Variants in RAPGEF2 observed in about 807,000 individuals in gnomAD.
RAPGEF2 encodes Rap guanine nucleotide exchange factor 2, also known as PDZ domain containing guanine nucleotide exchange factor (GEF) 1.
In RAPGEF2, 54 loss-of-function variants were observed where a neutral mutation model predicts 186.7. The ratio of observed to expected loss-of-function variants is 0.29; its 90% confidence interval spans 0.23 to 0.36. The LOEUF (loss-of-function observed/expected upper bound fraction) is 0.36, where lower values mean the gene tolerates loss of function less well. RAPGEF2 is among the 10% of genes least tolerant of loss of function. The pLI is 1.00. For synonymous variants in RAPGEF2, 712 were observed against 705.9 expected (o/e 1.01, Z -0.14); for missense variants, 1,532 against 2,045.0 (o/e 0.75, Z 4.84).
chr4:159,206,687 A>C (rs963688155), intron 3 of RAPGEF2, among the ~76,000 whole-genome samples: 4 of 152,224 alleles, frequency 2.6e-5, no homozygotes, highest in Non-Finnish European at 5.9e-5. Flanking sequence ...TGCCTGAGGC[A>C]TGATTGTAAG....
chr4:159,323,868 G>A (rs923023417), intron 11 of RAPGEF2, among the ~76,000 whole-genome samples: 1 of 149,682 alleles, frequency 6.7e-6, no homozygotes, highest in African/African-American at 2.5e-5. Context: ...ACAGGCAATC[G>A]CCACCACACC....
At chr4:159,234,858 C>T (rs1286186023) in intron 4 of RAPGEF2, among the ~76,000 whole-genome samples, 2 of 152,176 alleles carry the variant, frequency 1.3e-5, no homozygotes, top group Non-Finnish European at 2.9e-5. Context: ...CTCCTGAGTT[C>T]AAGCGATTCT....
chr4:159,237,842 TAAAAAAAAAAAAAAAAAAA>T (rs58593781), intron 4 of RAPGEF2, among the ~76,000 whole-genome samples: 2 of 66,930 alleles, frequency 3.0e-5, no homozygotes, highest in South Asian at 7.4e-4. Context: ...CTACAAAAAT[TAAAAAAAAAAAAAAAAAAA>T]AAAAAAAAAA....
chr4:159,231,222 G>T (rs1752601430), intron 4 of RAPGEF2, among the ~76,000 whole-genome samples: 2 of 152,032 alleles, frequency 1.3e-5, no homozygotes, highest in African/African-American at 4.8e-5. Context: ...ATCTAGCCTA[G>T]GTTTATAGTA....
chr4:159,132,298 G>A (rs1741199517), intron 1 of RAPGEF2, among the ~76,000 whole-genome samples: 1 of 152,212 alleles, frequency 6.6e-6, no homozygotes, highest in Non-Finnish European at 1.5e-5. Context: ...CTAGATTTTG[G>A]AATGTGGGCT....
chr4:159,276,629 C>T (rs1457099563), intron 7 of RAPGEF2, among the ~76,000 whole-genome samples: 7 of 152,092 alleles, frequency 4.6e-5, no homozygotes, highest in African/African-American at 7.2e-5. Context: ...CAGGTGACAA[C>T]ATTTCTTCTC....
Position 159,359,405 on chromosome 4 carries a change from A to G in RAPGEF2, c.*1266A>G, listed in dbSNP as rs1341481603. On this transcript the variant is annotated 3_prime_UTR_variant, in exon 30 of 30. Transcript: ENST00000691494. ...AAGTGGCTTTATGGACGCTGCATAT[A>G]GAGAAGGCCTAAGTGTAGCAACCAT... The G allele has an allele frequency of 6.6e-6, 1 of 152,242 alleles. No individual in the cohort carries two copies. Among genetic ancestry groups the G allele is most frequent in the Non-Finnish European group, 1.5e-5 (1 of 68,032 alleles). 9.4% of individuals were successfully genotyped at this position (152,242 alleles called of 1,614,324 possible). A position where few individuals can be genotyped will look rare whatever the true frequency, so the allele number is the denominator to read the frequency against.
At chr4:159,297,315 T>C (rs2111005106) in intron 7 of RAPGEF2, among the ~76,000 whole-genome samples, 1 of 152,312 alleles carries the variant, frequency 6.6e-6, no homozygotes, top group African/African-American at 2.4e-5. Context: ...GTGCTCCGTA[T>C]GGCAGGAGCA....
At chr4:159,170,004 A>C (rs1745736075) in intron 1 of RAPGEF2, among the ~76,000 whole-genome samples, 1 of 151,514 alleles carries the variant, frequency 6.6e-6, no homozygotes, top group African/African-American at 2.4e-5. Flanking sequence ...ACTGTTTTCC[A>C]TAATGAATAT....
intron 1 of RAPGEF2, among the ~76,000 whole-genome samples, chr4:159,162,163 T>C (rs910572909): frequency 1.1e-4 from 16 of 151,222 alleles, no homozygotes; most frequent in African/African-American, 3.9e-4. Context: ...GGTGGGATGA[T>C]TGCTTAAAGC....
At chr4:159,355,607 G>A (rs1039506419) in intron 28 of RAPGEF2, among the ~76,000 whole-genome samples, 21 of 152,182 alleles carry the variant, frequency 1.4e-4, no homozygotes, top group Admixed American at 1.0e-3. Flanking sequence ...AAAGATAAAA[G>A]TACTTAGATG....
intron 1 of RAPGEF2, among the ~76,000 whole-genome samples, chr4:159,118,939 C>G (rs904664615): frequency 1.3e-5 from 2 of 152,170 alleles, no homozygotes; most frequent in African/African-American, 2.4e-5. Flanking sequence ...AATATTTACT[C>G]TTCTTATTAC....
intron 17 of RAPGEF2, among the ~76,000 whole-genome samples, chr4:159,336,282 A>G (rs1767406239): frequency 6.6e-6 from 1 of 152,036 alleles, no homozygotes; most frequent in African/African-American, 2.4e-5. Context: ...AGTAGTATAC[A>G]TTGTACCTAA....
At chr4:159,140,271 C>G (rs895660490) in intron 1 of RAPGEF2, among the ~76,000 whole-genome samples, 3 of 152,036 alleles carry the variant, frequency 2.0e-5, no homozygotes, top group African/African-American at 7.3e-5. Context: ...TTAGTATAGC[C>G]ATTTGTTTTT....
intron 9 of RAPGEF2, among the ~76,000 whole-genome samples, chr4:159,321,991 T>C (rs73859128): frequency 0.019 from 2,927 of 152,350 alleles, 117 homozygotes; most frequent in African/African-American, 0.067. Flanking sequence ...AACTGACTTG[T>C]TGGAGAATTC....
chr4:159,204,270 A>T (rs1293479639), intron 3 of RAPGEF2, among the ~76,000 whole-genome samples: 1 of 152,164 alleles, frequency 6.6e-6, no homozygotes, highest in Non-Finnish European at 1.5e-5. Flanking sequence ...GAGTGAGAAG[A>T]TTTTCTTAAA....
chr4:159,293,493 G>A (rs931801313), intron 7 of RAPGEF2, among the ~76,000 whole-genome samples: 3 of 152,256 alleles, frequency 2.0e-5, no homozygotes, highest in South Asian at 2.1e-4. Context: ...ATGAACTGTC[G>A]TGTTTATTTT....
intron 1 of RAPGEF2, among the ~76,000 whole-genome samples, chr4:159,135,530 CATATATTTACTT>C (rs1488848489): frequency 6.6e-6 from 1 of 152,166 alleles, no homozygotes; most frequent in Non-Finnish European, 1.5e-5. Context: ...GAAAACCTTT[CATATATTTACTT>C]ACTATCCATA....
At chr4:159,312,773 G>A (rs986172868) in intron 8 of RAPGEF2, among the ~76,000 whole-genome samples, 2 of 152,172 alleles carry the variant, frequency 1.3e-5, no homozygotes, top group African/African-American at 4.8e-5. Context: ...ACACATGCTT[G>A]TATTATTTCA....
Sources: allele counts gnomAD v4.1 joint callset (sites outside exome capture counted in the v4.1 genomes callset), GRCh38; gene constraint gnomAD v4.1.1; transcripts MANE v1.5; gene names NCBI Gene and HGNC (gene_info 2026-07-23, HGNC 2026-07-21).